The following ANP32B variants were observed in gnomAD, a reference collection of about 807,000 sequenced individuals.
ANP32B encodes acidic nuclear phosphoprotein 32 family member B.
A neutral mutation model predicts 32.2 loss-of-function variants in ANP32B; 6 were observed. That is an observed-to-expected ratio of 0.19 (90% CI 0.10 to 0.37). The LOEUF (loss-of-function observed/expected upper bound fraction) is 0.37, where lower values mean the gene tolerates loss of function less well. ANP32B is among the 10% of genes least tolerant of loss of function. The pLI is 1.00. For missense variants in ANP32B, 204 were observed against 289.2 expected (o/e 0.71, Z 2.14); for synonymous variants, 98 against 105.8 (o/e 0.93, Z 0.45).
intron 3 of ANP32B, among the ~76,000 whole-genome samples, chr9:98,002,117 G>C (rs1413716170): frequency 6.6e-6 from 1 of 152,190 alleles, no homozygotes; most frequent in Non-Finnish European, 1.5e-5. Flanking sequence ...GAAGGTGAAG[G>C]GGGGAAGAGT....
intron 4 of ANP32B, among the ~76,000 whole-genome samples, chr9:98,007,405 G>A (rs1828104596): frequency 6.6e-6 from 1 of 152,216 alleles, no homozygotes; most frequent in Non-Finnish European, 1.5e-5. Flanking sequence ...TTGTTAGAGA[G>A]GATTGATGAG....
Position 98,003,157 on chromosome 9 carries a change from T to TA in ANP32B, c.328-1803dup, listed in dbSNP as rs568200444. 1.9e-3 allele frequency among the ~76,000 whole-genome samples: 287 copies of TA among 152,342 alleles called. 1 individual carries two copies. Among genetic ancestry groups the TA allele is most frequent in the Non-Finnish European group, 3.4e-3 (233 of 68,030 alleles). On this transcript the variant is annotated intron_variant, in intron 3 of 6. Transcript: ENST00000339399. ...CCAGAAGGGCTGGGGACAGCTTTCT[T>TA]AAAACGTCAAGGAACTGACTATATA... is the stretch of plus-strand genomic sequence containing the variant.
chr9:97,984,984 C>T (rs1564134153), intron 1 of ANP32B, among the ~76,000 whole-genome samples: 1 of 150,784 alleles, frequency 6.6e-6, no homozygotes, highest in Non-Finnish European at 1.5e-5. Context: ...CCTCTTGCGG[C>T]GCGGCTGCGT....
chr9:98,005,026 C>T lies in ANP32B; in HGVS notation c.390C>T (p.Asp130=). 6.2e-7 allele frequency: 1 copy of T among 1,614,104 alleles called. No homozygotes were observed. The highest frequency in any genetic ancestry group is 8.5e-7 in the Non-Finnish European group (1 of 1,180,000). ...ACTGTGAGGTTACCAACCTGAATGACTACCGAGAGAGTGTCTTCAAGCTCC... is the reference window on the plus strand; with the variant it reads ...ACTGTGAGGTTACCAACCTGAATGATTACCGAGAGAGTGTCTTCAAGCTCC... ...LFNCEVTNLN[D]YRESVFKLLP... is the part of the protein sequence containing the mutation. Residue 130 remains aspartate (D), a synonymous_variant, in exon 4 of 7, where the codon GAC becomes GAT. Coordinates refer to ENST00000339399, the MANE Select transcript of ANP32B (RefSeq NM_006401.3).
chr9:97,997,604 A>T (rs1827926613), intron 2 of ANP32B, among the ~76,000 whole-genome samples: 1 of 152,208 alleles, frequency 6.6e-6, no homozygotes, highest in African/African-American at 2.4e-5. Flanking sequence ...AATTCTGCCT[A>T]CCCCATAGAG....
At chr9:98,002,356 C>T (rs898709182) in intron 3 of ANP32B, 1 of 152,160 alleles carries the variant, frequency 6.6e-6, no homozygotes, top group Admixed American at 6.6e-5. Flanking sequence ...CCATCCAAAC[C>T]ATCCCCCAAA....
intron 1 of ANP32B, chr9:97,986,740 A>G (rs897629140): frequency 3.3e-5 from 5 of 152,242 alleles, no homozygotes; most frequent in Non-Finnish European, 4.4e-5. Context: ...GGGATCCTGC[A>G]GACTTGTCGT....
chr9:97,992,170 A>G (rs981726631), intron 1 of ANP32B, among the ~76,000 whole-genome samples: 1 of 152,046 alleles, frequency 6.6e-6, no homozygotes, highest in Non-Finnish European at 1.5e-5. Flanking sequence ...GCTCACTGCA[A>G]CTTCTGCCTC....
intron 4 of ANP32B, among the ~76,000 whole-genome samples, chr9:98,007,837 C>T (rs1828113099): frequency 6.6e-6 from 1 of 152,146 alleles, no homozygotes; most frequent in South Asian, 2.1e-4. Context: ...TCTGTTCACG[C>T]AGTTCTGTGA....
intron 1 of ANP32B, among the ~76,000 whole-genome samples, chr9:97,990,020 A>G (rs578254628): frequency 6.6e-6 from 1 of 152,332 alleles, no homozygotes; most frequent in East Asian, 1.9e-4. Flanking sequence ...TTGGAGGGGT[A>G]GTCTTTTGGC....
At chr9:98,009,498 C>T (rs1253259022) in intron 4 of ANP32B, among the ~76,000 whole-genome samples, 2 of 152,202 alleles carry the variant, frequency 1.3e-5, no homozygotes, top group Non-Finnish European at 2.9e-5. Context: ...TGGGATGAAA[C>T]GGTTCCACCT....
At chr9:97,984,179 G>A (rs1827656593) in intron 1 of ANP32B, among the ~76,000 whole-genome samples, 1 of 150,526 alleles carries the variant, frequency 6.6e-6, no homozygotes, top group Non-Finnish European at 1.5e-5. Flanking sequence ...TTTGAAGGGA[G>A]CGAGAAGCCC....
At chr9:98,015,251 T>A in intron 6 of ANP32B, 113 bp from the exon 7 acceptor site, 1 of 1,450,068 alleles carries the variant, frequency 6.9e-7, no homozygotes, top group Non-Finnish European at 9.2e-7. Context: ...TGATCAAGTT[T>A]ACATTGTTTT....
intron 2 of ANP32B, among the ~76,000 whole-genome samples, chr9:97,996,880 G>T (rs375679738): frequency 6.9e-4 from 105 of 152,134 alleles, no homozygotes; most frequent in African/African-American, 2.2e-3. Flanking sequence ...GATTACAGGT[G>T]TGAGCCACCG....
intron 1 of ANP32B, among the ~76,000 whole-genome samples, chr9:97,990,785 A>G (rs1026839406): frequency 5.4e-5 from 8 of 148,182 alleles, no homozygotes; most frequent in African/African-American, 1.5e-4. Flanking sequence ...CTCATTTTTA[A>G]TATGCACTTT....
chr9:97,986,213 A>G (rs1827731329), intron 1 of ANP32B, among the ~76,000 whole-genome samples: 1 of 152,270 alleles, frequency 6.6e-6, no homozygotes, highest in South Asian at 2.1e-4. Flanking sequence ...TCTCTGTAAT[A>G]CTATCCACAT....
At chr9:97,999,848 G>T (rs1246849330) in intron 3 of ANP32B, among the ~76,000 whole-genome samples, 1 of 152,200 alleles carries the variant, frequency 6.6e-6, no homozygotes, top group East Asian at 1.9e-4. Context: ...TGTGCTATTT[G>T]GAAGAGGGTT....
At chr9:97,986,108 A>AC (rs138203217) in intron 1 of ANP32B, among the ~76,000 whole-genome samples, 34,174 of 152,016 alleles carry the variant, frequency 0.22, 4,222 homozygotes, top group Non-Finnish European at 0.29. Flanking sequence ...GGCGTGAGCC[A>AC]CCGCCCCCGG....
At chr9:98,004,019 T>C (rs1403293436) in intron 3 of ANP32B, among the ~76,000 whole-genome samples, 3 of 152,226 alleles carry the variant, frequency 2.0e-5, no homozygotes, top group Non-Finnish European at 4.4e-5. Flanking sequence ...TATAGTGTAG[T>C]ACCTCTGCCC....
Sources: gnomAD v4.1 joint callset for allele counts (sites outside exome capture counted in the v4.1 genomes callset) on GRCh38, gnomAD v4.1.1 for gene constraint, MANE v1.5 for transcripts, NCBI Gene and HGNC (gene_info 2026-07-23, HGNC 2026-07-21) for gene names.